CCNJL: variants seen among roughly 807,000 people sequenced by gnomAD.
CCNJL encodes the protein cyclin-J-like protein.
Under a neutral mutation model 33.4 loss-of-function variants are expected in CCNJL, and 33 were observed. That is an observed-to-expected ratio of 0.99 (90% CI 0.75 to 1.32). The LOEUF (loss-of-function observed/expected upper bound fraction) is 1.32. CCNJL is among the 40% of genes most tolerant of loss of function. CCNJL has a pLI of 0.00. For synonymous variants in CCNJL, 227 were observed against 220.9 expected (o/e 1.03, Z -0.24); for missense variants, 512 against 499.7 (o/e 1.02, Z -0.23).
chr5:160,259,407 AC>A, intron 4 of CCNJL, 61 bp downstream of exon 4: 2 of 1,505,928 alleles, frequency 1.3e-6, no homozygotes, highest in Non-Finnish European at 1.8e-6. Flanking sequence ...GAGCCGCCTG[AC>A]CCCGACCCCT....
At chr5:160,323,899 A>G (rs1402527067) in intron 1 of CCNJL, among the ~76,000 whole-genome samples, 1 of 152,224 alleles carries the variant, frequency 6.6e-6, no homozygotes, top group Non-Finnish European at 1.5e-5. Flanking sequence ...CTTTGGACTC[A>G]GATTGAAACA....
upstream of CCNJL, among the ~76,000 whole-genome samples, chr5:160,313,986 G>A (rs1315191159): frequency 6.6e-6 from 1 of 152,214 alleles, no homozygotes; most frequent in Non-Finnish European, 1.5e-5. Context: ...TGGCTAACAT[G>A]GTGAAACCCT....
At chr5:160,330,581 C>G (rs905861940) in intron 1 of CCNJL, among the ~76,000 whole-genome samples, 1 of 152,196 alleles carries the variant, frequency 6.6e-6, no homozygotes, top group African/African-American at 2.4e-5. Flanking sequence ...AAGTGCACCT[C>G]CTGGCCACCA....
chr5:160,297,579 C>T (rs1042486406), intron 2 of CCNJL, among the ~76,000 whole-genome samples: 7 of 149,850 alleles, frequency 4.7e-5, no homozygotes, highest in African/African-American at 7.5e-5. Flanking sequence ...CTTTAAGAAG[C>T]CAAGGTGGGA....
At chr5:160,296,511 C>A (rs879071403) in intron 2 of CCNJL, among the ~76,000 whole-genome samples, 1 of 152,222 alleles carries the variant, frequency 6.6e-6, no homozygotes, top group Non-Finnish European at 1.5e-5. Context: ...CAGATGCCAT[C>A]GCTTTGGGGC....
intron 2 of CCNJL, among the ~76,000 whole-genome samples, chr5:160,299,181 C>T (rs1762846998): frequency 6.6e-6 from 1 of 151,892 alleles, no homozygotes; most frequent in South Asian, 2.1e-4. Context: ...ATGAGTTTCC[C>T]TCTTGTTGCC....
intron 3 of CCNJL, among the ~76,000 whole-genome samples, chr5:160,264,390 A>C (rs1017171993): frequency 6.6e-6 from 1 of 151,898 alleles, no homozygotes; most frequent in Admixed American, 6.6e-5. Context: ...TGGCTGGCTG[A>C]TCCCTAACAC....
At chr5:160,293,009 T>TG (rs1218986624) in intron 2 of CCNJL, among the ~76,000 whole-genome samples, 28 of 152,356 alleles carry the variant, frequency 1.8e-4, no homozygotes, top group African/African-American at 6.7e-4. Flanking sequence ...AGTTAATAAA[T>TG]GGTGAATCTG....
chr5:160,323,698 C>T (rs748007719), intron 1 of CCNJL, among the ~76,000 whole-genome samples: 14 of 152,176 alleles, frequency 9.2e-5, no homozygotes, highest in East Asian at 3.8e-4. Flanking sequence ...ATTAGTTAAA[C>T]GCTGATCTGG....
Position 160,270,901 on chromosome 5 carries a change from C to A in CCNJL, c.280+9624G>T, listed in dbSNP as rs540648787. ...GGTCTGCTCCAGTCCAAGAATATCTCGGCATGAACCTGTTTTACAAGTACC... is the reference window on the plus strand; with the variant it reads ...GGTCTGCTCCAGTCCAAGAATATCTAGGCATGAACCTGTTTTACAAGTACC... On this transcript the variant is annotated intron_variant, in intron 3 of 5. Coordinates refer to ENST00000257536, the MANE Select transcript of CCNJL (RefSeq NM_001308173.3). Among the ~76,000 whole-genome samples the A allele has an allele frequency of 1.1e-4, 16 of 152,246 alleles. 1 individual carries two copies. The highest frequency in any genetic ancestry group is 2.0e-4 in the Admixed American group (3 of 15,298).
intron 1 of CCNJL, among the ~76,000 whole-genome samples, chr5:160,335,589 T>G (rs1289500969): frequency 1.3e-5 from 2 of 152,096 alleles, no homozygotes; most frequent in Non-Finnish European, 2.9e-5. Flanking sequence ...TTTCTCTTTT[T>G]TTTGAGATGG....
intron 1 of CCNJL, among the ~76,000 whole-genome samples, chr5:160,338,528 C>A (rs1222977723): frequency 6.6e-6 from 1 of 151,938 alleles, no homozygotes; most frequent in East Asian, 1.9e-4. Context: ...CCTCCAAATT[C>A]CTTTTTAGAG....
intron 3 of CCNJL, chr5:160,269,528 T>C: frequency 2.2e-6 from 1 of 456,340 alleles, no homozygotes; most frequent in South Asian, 1.5e-5. Context: ...CTGGGGACCC[T>C]GATCCTTTGT....
chr5:160,338,987 C>G (rs1393968214), intron 1 of CCNJL, among the ~76,000 whole-genome samples: 3 of 152,062 alleles, frequency 2.0e-5, no homozygotes, highest in Non-Finnish European at 4.4e-5. Flanking sequence ...TGGGGTTTCA[C>G]CCTGTTGGCC....
chr5:160,263,881 TACA>T (rs1183340799), intron 3 of CCNJL, among the ~76,000 whole-genome samples: 1 of 151,992 alleles, frequency 6.6e-6, no homozygotes, highest in African/African-American at 2.4e-5. Context: ...TCATTCCATC[TACA>T]TTTTTCTTTT....
chr5:160,260,117 A>G (rs1452941434), intron 3 of CCNJL, among the ~76,000 whole-genome samples: 2 of 152,234 alleles, frequency 1.3e-5, no homozygotes, highest in East Asian at 3.8e-4. Flanking sequence ...AAAGCAGCCG[A>G]TAGCGGTCAG....
chr5:160,315,442 GGCA>G (rs1472463553), upstream of CCNJL: 2 of 449,740 alleles, frequency 4.4e-6, no homozygotes, highest in Non-Finnish European at 8.9e-6. Flanking sequence ...CAAAGGTTGA[GGCA>G]GCAGTGAGCC....
intron 1 of CCNJL, 41 bp from the exon 2 acceptor site, chr5:160,312,013 C>A: frequency 1.5e-6 from 2 of 1,295,330 alleles, no homozygotes; most frequent in African/African-American, 1.5e-5. Flanking sequence ...GAGCGTACCC[C>A]GGGCTCCGAC....
chr5:160,296,358 A>G (rs1243264816), intron 2 of CCNJL, among the ~76,000 whole-genome samples: 3 of 152,212 alleles, frequency 2.0e-5, no homozygotes, highest in African/African-American at 7.2e-5. Context: ...GTTTACTATG[A>G]AAAAGGCTGA....
Sources: allele counts gnomAD v4.1 joint callset (sites outside exome capture counted in the v4.1 genomes callset), GRCh38; gene constraint gnomAD v4.1.1; transcripts MANE v1.5; gene names NCBI Gene and HGNC (gene_info 2026-07-23, HGNC 2026-07-21).